TRIM67: variants seen among roughly 807,000 people sequenced by gnomAD.
TRIM67 encodes the protein tripartite motif containing 67.
TRIM67 carries 39 observed loss-of-function variants against 71.0 expected under a neutral mutation model. The ratio of observed to expected loss-of-function variants is 0.55; its 90% CI spans 0.43 to 0.72. The LOEUF (loss-of-function observed/expected upper bound fraction) is 0.72, where lower values mean the gene tolerates loss of function less well. Ranked by LOEUF, TRIM67 falls within the 30% of genes least tolerant of loss-of-function variation. The pLI, the probability that TRIM67 is intolerant of heterozygous loss-of-function variation, is 0.00. For synonymous variants in TRIM67, 481 were observed against 473.9 expected, an observed-to-expected ratio of 1.01 and a Z score of -0.19; for missense variants, 973 against 1,079.2, an observed-to-expected ratio of 0.90 and a Z score of 1.38.
chr1:231,163,325 T>C lies in TRIM67; in HGVS notation c.356T>C (p.Leu119Pro). The change falls in exon 1 of 10, where the codon CTC becomes CCC. Residue 119 changes from leucine (L) to proline (P), a missense_variant. Transcript: ENST00000366653. ...DSGYGSYTPS[L>P]KSPNGVRVLP... The stretch of plus-strand genomic sequence containing the variant: ...GGCTACGGGTCCTACACCCCGAGCC[T>C]CAAGTCCCCCAACGGGGTTCGCGTG... 1 of 1,522,238 alleles carries C rather than the reference T, an allele frequency of 6.6e-7. No homozygotes were observed. The highest frequency in any genetic ancestry group is 1.8e-4 in the Middle Eastern group (1 of 5,664). 94.3% of individuals were successfully genotyped at this position (1,522,238 alleles called of 1,614,324 possible). A position where few individuals can be genotyped will look rare whatever the true frequency, so the allele number is the denominator to read the frequency against.
In TRIM67 at chr1:231,215,811, G is replaced by A. The variant is rs1684000709; in HGVS notation, c.*371G>A. On this transcript the variant is annotated 3_prime_UTR_variant, in exon 10 of 10. Coordinates refer to ENST00000366653, the MANE Select transcript of TRIM67 (RefSeq NM_001004342.5). ...GGAGGGAGAGGAAGGTAGACTTTGA[G>A]ACTGGCCTCCTGAGAGCGGCAGTCA... 9.6e-7 allele frequency: 1 copy of A among 1,037,446 alleles called. No individual in the cohort carries two copies. The highest frequency in any genetic ancestry group is 1.7e-5 in the African/African-American group (1 of 59,612). 64.3% of individuals were successfully genotyped at this position (1,037,446 alleles called of 1,614,324 possible).
At chr1:231,210,500 C>A (rs1430542362) in intron 8 of TRIM67, among the ~76,000 whole-genome samples, 1 of 151,310 alleles carries the variant, frequency 6.6e-6, no homozygotes, top group Non-Finnish European at 1.5e-5. Flanking sequence ...TGTGCCTCTG[C>A]CCGGACACTG....
intron 8 of TRIM67, 101 bp from the exon 9 acceptor site, chr1:231,213,712 CAG>C: frequency 7.3e-7 from 1 of 1,371,162 alleles, no homozygotes. Flanking sequence ...GCCTGGGTGA[CAG>C]AGTGAGACCG....
intron 1 of TRIM67, among the ~76,000 whole-genome samples, chr1:231,180,288 A>G (rs1682863854): frequency 1.3e-5 from 2 of 152,058 alleles, no homozygotes; most frequent in Non-Finnish European, 2.9e-5. Context: ...AAATTTCACT[A>G]TTTTCTTAGA....
At chr1:231,183,110 G>T (rs576150451) in intron 1 of TRIM67, among the ~76,000 whole-genome samples, 1 of 152,208 alleles carries the variant, frequency 6.6e-6, no homozygotes, top group Non-Finnish European at 1.5e-5. Flanking sequence ...AAGCTGAGTT[G>T]TGGAAGGGAT....
rs115541663 is a variant in TRIM67, at chr1:231,197,518, G to A, written c.1140+52G>A. 1,268 of 1,532,002 alleles carry A rather than the reference G, an allele frequency of 8.3e-4. 8 individuals carry two copies. The African/African-American group carries it at 0.014, about 17-fold the overall frequency. The allele number at this position is 1,532,002 out of a possible 1,614,324, so 94.9% of individuals were successfully genotyped here. On this transcript the variant is annotated intron_variant, in intron 2 of 9. Transcript: ENST00000366653. ...AATACTCAGTGTTGAAAGTTTGCACGTTGTGCATCGTATTAAGAAGAAAGA... is the reference window on the plus strand; with the variant it reads ...AATACTCAGTGTTGAAAGTTTGCACATTGTGCATCGTATTAAGAAGAAAGA...
chr1:231,164,875 C>T (rs1682408388), intron 1 of TRIM67, among the ~76,000 whole-genome samples: 1 of 152,118 alleles, frequency 6.6e-6, no homozygotes, highest in Non-Finnish European at 1.5e-5. Flanking sequence ...TATAGTTACT[C>T]TATAGTATTA....
chr1:231,201,713 G>A (rs1683530459), intron 5 of TRIM67, among the ~76,000 whole-genome samples, 196 bp downstream of exon 5: 1 of 152,194 alleles, frequency 6.6e-6, no homozygotes, highest in Admixed American at 6.5e-5. Flanking sequence ...GGGGTGAGAA[G>A]CACCAGTCAG....
At chr1:231,187,210 A>C (rs1483382213) in intron 1 of TRIM67, among the ~76,000 whole-genome samples, 5 of 152,176 alleles carry the variant, frequency 3.3e-5, no homozygotes, top group African/African-American at 1.2e-4. Flanking sequence ...GCAAGAAAGA[A>C]GATGCAGGGA....
At position 231,162,867 on chromosome 1, in the gene TRIM67, C is replaced by G. The variant is rs2102705812; in HGVS notation, c.-103C>G. On this transcript the variant is annotated 5_prime_UTR_variant, in exon 1 of 10. Coordinates refer to ENST00000366653, the MANE Select transcript of TRIM67 (RefSeq NM_001004342.5). ...GGGCATGCCCGTGTGATGCCCCCGC[C>G]CGTCGTCTCACCGGGGCGCACCGCG... 6.8e-7 allele frequency: 1 copy of G among 1,469,362 alleles called. No individual in the cohort carries two copies. Among genetic ancestry groups the G allele is most frequent in the South Asian group, 1.3e-5 (1 of 76,056 alleles). The allele number at this position is 1,469,362 out of a possible 1,614,324, so 91.0% of individuals were successfully genotyped here.
Position 231,208,009 on chromosome 1 carries a change from CT to C in TRIM67, c.1820-920del, listed in dbSNP as rs796809572. Among the ~76,000 whole-genome samples, 808 of 132,074 alleles carry C rather than the reference CT, an allele frequency of 6.1e-3. 6 individuals carry two copies. The highest frequency in any genetic ancestry group is 0.013 in the African/African-American group (456 of 35,018). The allele number at this position is 132,074 out of a possible 152,430, so 86.6% of individuals were successfully genotyped here. The stretch of plus-strand genomic sequence containing the variant: ...TCATCAATATCGATTTCCTCCTGTA[CT>C]TTTTTTTTTTTTTTTTTGAGATGAA... On this transcript the variant is annotated intron_variant, in intron 7 of 9. Coordinates refer to ENST00000366653, the MANE Select transcript of TRIM67 (RefSeq NM_001004342.5).
In TRIM67 at chr1:231,163,556, T is replaced by C. The variant is rs1465110080; in HGVS notation, c.587T>C (p.Val196Ala). 2 of 1,512,506 alleles carry C rather than the reference T, an allele frequency of 1.3e-6. No homozygotes were observed. Among genetic ancestry groups the C allele is most frequent in the African/African-American group, 2.9e-5 (2 of 69,488 alleles). The allele number at this position is 1,512,506 out of a possible 1,614,324, so 93.7% of individuals were successfully genotyped here. A position where few individuals can be genotyped will look rare whatever the true frequency, so the allele number is the denominator to read the frequency against. The change falls in exon 1 of 10, where the codon GTG becomes GCG. Residue 196 changes from valine (V) to alanine (A), a missense_variant. By Grantham distance (64) the Val-to-Ala change is moderately conservative. Coordinates refer to ENST00000366653, the MANE Select transcript of TRIM67 (RefSeq NM_001004342.5). Reference sequence around the variant, plus strand: ...CGGTACCAGCAGGGCCGCGGGGCCGTGCCGGGGACGTCTGCAGCCGCGGCG... The same window carrying C: ...CGGTACCAGCAGGGCCGCGGGGCCGCGCCGGGGACGTCTGCAGCCGCGGCG... Reference protein sequence around the residue: ...VQRYQQGRGAVPGTSAAAAVA... With the variant: ...VQRYQQGRGAAPGTSAAAAVA...
At position 231,162,809 on chromosome 1, in the gene TRIM67, C is replaced by A; in HGVS notation, c.-161C>A. ...TCATCTTAGGGCGGTGGCTACAGGA[C>A]AGAGAGAGGGGCGTGCCCCTCGGCT... is the stretch of plus-strand genomic sequence containing the variant. On this transcript the variant is annotated 5_prime_UTR_variant, in exon 1 of 10. Transcript: ENST00000366653. The A allele has an allele frequency of 1.1e-6, 1 of 902,664 alleles. No individual in the cohort carries two copies. The highest frequency in any genetic ancestry group is 1.6e-6 in the Non-Finnish European group (1 of 613,354). 55.9% of individuals were successfully genotyped at this position (902,664 alleles called of 1,614,324 possible). A position where few individuals can be genotyped will look rare whatever the true frequency, so the allele number is the denominator to read the frequency against.
chr1:231,192,066 C>T (rs112445782), intron 1 of TRIM67, among the ~76,000 whole-genome samples: 38 of 152,154 alleles, frequency 2.5e-4, no homozygotes, highest in African/African-American at 7.9e-4. Flanking sequence ...CCCAGTGCTT[C>T]GGGAGGCTGA....
In TRIM67 at chr1:231,216,140, C is replaced by T; in HGVS notation, c.*700C>T. On this transcript the variant is annotated 3_prime_UTR_variant, in exon 10 of 10. Coordinates refer to ENST00000366653, the MANE Select transcript of TRIM67 (RefSeq NM_001004342.5). The stretch of plus-strand genomic sequence containing the variant: ...TCTTCCTCCATCCTTCATTTCTTCT[C>T]CCTCCCTCCTTCTCTTTCTCTCTTC... 4 of 970,064 alleles carry T rather than the reference C, an allele frequency of 4.1e-6. No homozygotes were observed. The highest frequency in any genetic ancestry group is 4.9e-6 in the Non-Finnish European group (4 of 816,606). The allele number at this position is 970,064 out of a possible 1,614,324, so 60.1% of individuals were successfully genotyped here. A position where few individuals can be genotyped will look rare whatever the true frequency, so the allele number is the denominator to read the frequency against.
rs913514103 is a variant in TRIM67, at chr1:231,216,217, TTCTC to T, written c.*781_*784del. The stretch of plus-strand genomic sequence containing the variant: ...TGCTCTCTCTTTCTTCCTTTCCTCC[TTCTC>T]TCTTACTTTCCTCCATCCCTGCCTC... On this transcript the variant is annotated 3_prime_UTR_variant, in exon 10 of 10. Transcript: ENST00000366653. 14 of 959,388 alleles carry T rather than the reference TTCTC, an allele frequency of 1.5e-5. No homozygotes were observed. The highest frequency in any genetic ancestry group is 3.5e-5 in the African/African-American group (2 of 56,454). The allele number at this position is 959,388 out of a possible 1,614,324, so 59.4% of individuals were successfully genotyped here.
At chr1:231,212,201 A>T (rs1334166626) in intron 8 of TRIM67, among the ~76,000 whole-genome samples, 1 of 152,268 alleles carries the variant, frequency 6.6e-6, no homozygotes, top group Admixed American at 6.5e-5. Flanking sequence ...ACAACTTGAA[A>T]GACAAATAGT....
chr1:231,180,284 C>T (rs1682863676), intron 1 of TRIM67, among the ~76,000 whole-genome samples: 1 of 152,168 alleles, frequency 6.6e-6, no homozygotes, highest in Non-Finnish European at 1.5e-5. Context: ...TCACAAATTT[C>T]ACTATTTTCT....
intron 1 of TRIM67, among the ~76,000 whole-genome samples, chr1:231,188,663 T>C (rs1266039860): frequency 6.6e-6 from 1 of 152,220 alleles, no homozygotes; most frequent in Non-Finnish European, 1.5e-5. Context: ...TGTGTGACTT[T>C]GAGCAAATTA....
Sources: gnomAD v4.1 joint callset for allele counts (sites outside exome capture counted in the v4.1 genomes callset) on GRCh38, gnomAD v4.1.1 for gene constraint, MANE v1.5 for transcripts, NCBI Gene and HGNC (gene_info 2026-07-23, HGNC 2026-07-21) for gene names.